RAD17: variants seen among roughly 807,000 people sequenced by gnomAD.
RAD17 encodes RAD17 checkpoint clamp loader component.
In RAD17, 31 loss-of-function variants were observed where a neutral mutation model predicts 81.5. The ratio of observed to expected loss-of-function variants is 0.38; its 90% CI spans 0.29 to 0.51. The LOEUF (loss-of-function observed/expected upper bound fraction) is 0.51. Ranked by LOEUF, RAD17 falls within the 20% of genes least tolerant of loss-of-function variation. The pLI, the probability that RAD17 is intolerant of heterozygous loss-of-function variation, is 0.88. For synonymous variants in RAD17, 261 were observed against 266.2 expected, an observed-to-expected ratio of 0.98 and a Z score of 0.19; for missense variants, 681 against 781.2, an observed-to-expected ratio of 0.87 and a Z score of 1.53.
intron 15 of RAD17, among the ~76,000 whole-genome samples, chr5:69,395,697 TA>T (rs949328812): frequency 9.9e-5 from 15 of 151,274 alleles, no homozygotes; most frequent in Admixed American, 6.6e-4. Context: ...AATTAAAAAT[TA>T]AAAAAAAATG....
At chr5:69,398,784 C>T (rs948492734) in intron 16 of RAD17, among the ~76,000 whole-genome samples, 3 of 142,006 alleles carry the variant, frequency 2.1e-5, no homozygotes, top group Non-Finnish European at 1.5e-5. Context: ...CCAGCCTAGG[C>T]GACAGAAAAA....
chr5:69,397,520 G>A lies in RAD17; in HGVS notation c.1572+974G>A, dbSNP rs17230109. ...GGCTCACACCTGTAATCCCAGCACT[G>A]TGGAAGGCCAAAACAAGAGGATCAC... On this transcript the variant is annotated intron_variant, in intron 16 of 18. Transcript: ENST00000354868. 2.9e-3 allele frequency among the ~76,000 whole-genome samples: 441 copies of A among 151,722 alleles called. 2 individuals are homozygous for A. Among genetic ancestry groups the A allele is most frequent in the Middle Eastern group, 0.014 (4 of 286 alleles).
rs1312494314 is a variant in RAD17 at position 69,395,012 on chromosome 5, A to G, written c.1423-1385A>G. On this transcript the variant is annotated intron_variant, in intron 15 of 18. Transcript: ENST00000354868. ...GGTTGCAGTGAGCTGAGATCACACC[A>G]CTGCACTCCAGCCTGGGCAATAGAG... Among the ~76,000 whole-genome samples, 3 of 152,226 alleles carry G rather than the reference A, an allele frequency of 2.0e-5. No individual in the cohort carries two copies. In the East Asian group the frequency reaches 5.8e-4, roughly 29 times the overall value.
At chr5:69,410,451 T>G (rs762545554) in intron 17 of RAD17, 42 bp from the exon 18 acceptor site, 30 of 1,522,598 alleles carry the variant, frequency 2.0e-5, no homozygotes, top group Admixed American at 5.1e-5. Flanking sequence ...TTGTATATTT[T>G]CTTTGGAAAA....
At chr5:69,392,861 C>A in intron 13 of RAD17, 1 of 461,504 alleles carries the variant, frequency 2.2e-6, no homozygotes, top group Non-Finnish European at 4.1e-6. Context: ...GATGAGAAAT[C>A]AAGGGAAGAA....
intron 16 of RAD17, among the ~76,000 whole-genome samples, chr5:69,397,937 G>A (rs892998869): frequency 3.9e-5 from 6 of 152,114 alleles, no homozygotes; most frequent in Non-Finnish European, 8.8e-5. Flanking sequence ...CTAACACGAT[G>A]AAACCCTGTC....
At chr5:69,409,347 C>T (rs973722976) in intron 17 of RAD17, among the ~76,000 whole-genome samples, 7 of 152,034 alleles carry the variant, frequency 4.6e-5, no homozygotes, top group African/African-American at 9.7e-5. Flanking sequence ...CCCCAAACAC[C>T]CTGCTGCACT....
chr5:69,412,208 G>A (rs1043226342), intron 18 of RAD17, among the ~76,000 whole-genome samples: 6 of 151,864 alleles, frequency 4.0e-5, no homozygotes, highest in African/African-American at 1.2e-4. Flanking sequence ...CGCCCACTTC[G>A]GCCTCCCAAA....
intron 17 of RAD17, among the ~76,000 whole-genome samples, chr5:69,409,311 G>T (rs1765824895): frequency 6.6e-6 from 1 of 152,116 alleles, no homozygotes; most frequent in Non-Finnish European, 1.5e-5. Context: ...CTTATCCTAT[G>T]AGTAGGGCCA....
In RAD17 at chr5:69,406,461, A is replaced by G. The variant is rs115161672; in HGVS notation, c.1694-4032A>G. Reference sequence around the variant, plus strand: ...ATAAATTCAAGAATTCTATTTTACAACATGGTGACTATAATTAATAGTATT... The same window carrying G: ...ATAAATTCAAGAATTCTATTTTACAGCATGGTGACTATAATTAATAGTATT... On this transcript the variant is annotated intron_variant, in intron 17 of 18. Coordinates refer to ENST00000354868, the MANE Select transcript of RAD17 (RefSeq NM_133338.3). 7.8e-3 allele frequency among the ~76,000 whole-genome samples: 1,190 copies of G among 152,202 alleles called. 16 individuals are homozygous for G. The highest frequency in any genetic ancestry group is 0.027 in the African/African-American group (1,132 of 41,526).
chr5:69,414,784 TTAAAA>T lies in RAD17; in HGVS notation c.*494_*498del, dbSNP rs1333346304. ...AGTATTTACATAAGTTATATCACAA[TTAAAA>T]TGTTGAATTTAATTTTGTTTCTCCT... On this transcript the variant is annotated 3_prime_UTR_variant, in exon 19 of 19. Transcript: ENST00000354868. 6.2e-6 allele frequency: 1 copy of T among 161,390 alleles called. No individual in the cohort carries two copies. The highest frequency in any genetic ancestry group is 1.4e-5 in the Non-Finnish European group (1 of 73,362). 10.0% of individuals were successfully genotyped at this position (161,390 alleles called of 1,614,324 possible).
At position 69,400,089 on chromosome 5, in the gene RAD17, A is replaced by G. The variant is rs1356328517; in HGVS notation, c.1613A>G (p.Asp538Gly). 6.2e-7 allele frequency: 1 copy of G among 1,602,354 alleles called. No individual in the cohort carries two copies. The highest frequency in any genetic ancestry group is 1.7e-5 in the Admixed American group (1 of 59,136). Residue 538 changes from aspartate (D) to glycine (G), a missense_variant, in exon 17 of 19, where the codon GAC becomes GGC. Physicochemically the swap from Asp to Gly is moderately conservative, Grantham distance 94. Coordinates refer to ENST00000354868, the MANE Select transcript of RAD17 (RefSeq NM_133338.3). ...NCLAAKALFP[D>G]FCLPALCLQT... The stretch of plus-strand genomic sequence containing the variant: ...CTGGCAGCAAAAGCACTTTTTCCTG[A>G]CTTCTGCCTACCAGCTTTATGCCTC...
In RAD17 at chr5:69,400,161, G is replaced by C. The variant is rs1340806665; in HGVS notation, c.1685G>C (p.Arg562Thr). 1 of 1,532,784 alleles carries C rather than the reference G, an allele frequency of 6.5e-7. No individual in the cohort carries two copies. The highest frequency in any genetic ancestry group is 1.4e-5 in the African/African-American group (1 of 72,434). The allele number at this position is 1,532,784 out of a possible 1,614,324, so 94.9% of individuals were successfully genotyped here. A position where few individuals can be genotyped will look rare whatever the true frequency, so the allele number is the denominator to read the frequency against. Residue 562 changes from arginine to threonine, a missense_variant, in exon 17 of 19, where the codon AGA (arginine) becomes ACA (threonine). By Grantham distance (71) the Arg-to-Thr change is moderately conservative. Transcript: ENST00000354868. ...CTTGCTCTACTAACCATTCCAATGA[G>C]AAATCAAGGTAATAACATAGGTTTT... ...PYLALLTIPM[R>T]NQAQISFIQD...
At chr5:69,410,634 G>A (rs1765915037) in intron 18 of RAD17, 84 bp downstream of exon 18, 6 of 1,257,698 alleles carry the variant, frequency 4.8e-6, no homozygotes, top group East Asian at 2.4e-5. Flanking sequence ...ACTGTTACCT[G>A]TAACATCCAA....
chr5:69,392,931 T>C lies in RAD17; in HGVS notation c.1190-224T>C, dbSNP rs533836948. On this transcript the variant is annotated intron_variant, in intron 13 of 18. Transcript: ENST00000354868. The stretch of plus-strand genomic sequence containing the variant: ...GCATTAGGAAATGGAATATTTTAAG[T>C]CTAGAGAAGCCATAATCTAAGCATC... 10 of 508,336 alleles carry C rather than the reference T, an allele frequency of 2.0e-5. No homozygotes were observed. In the South Asian group the frequency reaches 2.5e-4, roughly 13 times the overall value. 31.5% of individuals were successfully genotyped at this position (508,336 alleles called of 1,614,324 possible).
intron 17 of RAD17, among the ~76,000 whole-genome samples, chr5:69,404,232 A>G (rs1004150570): frequency 3.9e-5 from 6 of 152,196 alleles, no homozygotes; most frequent in Non-Finnish European, 5.9e-5. Flanking sequence ...TAGGCAACAA[A>G]AGCAAAAATA....
At chr5:69,377,696 CAT>C (rs1450968970) in intron 6 of RAD17, among the ~76,000 whole-genome samples, 1 of 67,258 alleles carries the variant, frequency 1.5e-5, no homozygotes, top group African/African-American at 6.5e-5. Context: ...TATATGTATA[CAT>C]ATATATATGT....
intron 16 of RAD17, among the ~76,000 whole-genome samples, chr5:69,397,233 C>T (rs1191545855): frequency 1.3e-5 from 2 of 152,016 alleles, no homozygotes; most frequent in Non-Finnish European, 2.9e-5. Context: ...CCTCTACCTC[C>T]TAGGTTCAAG....
At chr5:69,381,562 A>G (rs1763860971) in intron 6 of RAD17, among the ~76,000 whole-genome samples, 1 of 152,202 alleles carries the variant, frequency 6.6e-6, no homozygotes, top group African/African-American at 2.4e-5. Flanking sequence ...TAATTTAGCC[A>G]AAGTTTAGTA....
Sources: gnomAD v4.1 joint callset for allele counts (sites outside exome capture counted in the v4.1 genomes callset) on GRCh38, gnomAD v4.1.1 for gene constraint, MANE v1.5 for transcripts, NCBI Gene and HGNC (gene_info 2026-07-23, HGNC 2026-07-21) for gene names.